RSF1: variants seen among roughly 807,000 people sequenced by gnomAD.
RSF1 encodes the protein HBV pX-associated protein 8.
Under a neutral mutation model 145.2 loss-of-function variants are expected in RSF1, and 13 were observed. That is an observed-to-expected ratio of 0.09 (90% CI 0.06 to 0.14). RSF1 has a LOEUF of 0.14. RSF1 is among the 10% of genes least tolerant of loss of function. The pLI is 1.00. For missense variants in RSF1, 1,517 were observed against 1,718.2 expected, an observed-to-expected ratio of 0.88 and a Z score of 2.07; for synonymous variants, 577 against 592.6, an observed-to-expected ratio of 0.97 and a Z score of 0.38.
At chr11:77,821,085 G>A (rs945396618), upstream of RSF1, 1 of 458,382 alleles carries the variant, frequency 2.2e-6, no homozygotes, top group African/African-American at 2.0e-5. Context: ...ATGGCCAATG[G>A]ACGCAGAGGG....
the RSF1 span, chr11:77,842,738 T>C: frequency 7.1e-7 from 1 of 1,410,070 alleles, no homozygotes; most frequent in Non-Finnish European, 9.7e-7. Context: ...CTTTTTGAGA[T>C]ATAATTCATA....
intron 4 of RSF1, among the ~76,000 whole-genome samples, chr11:77,732,423 A>T (rs1244747383): frequency 6.6e-6 from 1 of 152,100 alleles, no homozygotes; most frequent in Non-Finnish European, 1.5e-5. Context: ...ATGAGTCAAT[A>T]CTTTGGGGGA....
intron 4 of RSF1, among the ~76,000 whole-genome samples, chr11:77,730,682 T>C (rs1184804219): frequency 2.6e-5 from 4 of 151,954 alleles, no homozygotes; most frequent in African/African-American, 9.7e-5. Context: ...CAGTGGGAGG[T>C]GATTGAATTA....
the RSF1 span, among the ~76,000 whole-genome samples, chr11:77,845,356 T>C: frequency 4.6e-5 from 7 of 152,186 alleles, no homozygotes; most frequent in Non-Finnish European, 1.0e-4. Context: ...TTGATTCTTA[T>C]CTGCTGTTGA....
the RSF1 span, among the ~76,000 whole-genome samples, chr11:77,871,985 T>C: frequency 6.6e-6 from 1 of 152,240 alleles, no homozygotes; most frequent in Admixed American, 6.5e-5. Flanking sequence ...GGTATTATGA[T>C]ACCTCTGACA....
At chr11:77,740,201 C>A (rs1359381176) in intron 4 of RSF1, among the ~76,000 whole-genome samples, 4 of 151,970 alleles carry the variant, frequency 2.6e-5, no homozygotes, top group African/African-American at 9.7e-5. Flanking sequence ...CACGGAGAAA[C>A]CTCATCTCTA....
intron 2 of RSF1, among the ~76,000 whole-genome samples, chr11:77,749,705 C>T (rs1323070459): frequency 2.0e-5 from 3 of 152,152 alleles, no homozygotes; most frequent in African/African-American, 7.2e-5. Flanking sequence ...TTATTTATAA[C>T]ATTTAGGGTA....
At chr11:77,813,708 C>T in intron 1 of RSF1, 2 of 435,062 alleles carry the variant, frequency 4.6e-6, no homozygotes, top group South Asian at 3.9e-5. Flanking sequence ...CCGACTTGTT[C>T]CTCGGCGAGA....
chr11:77,694,255 C>T (rs2135843992), intron 7 of RSF1, among the ~76,000 whole-genome samples: 1 of 152,238 alleles, frequency 6.6e-6, no homozygotes, highest in South Asian at 2.1e-4. Flanking sequence ...TCAAAGACTA[C>T]CCTACCACAC....
chr11:77,815,748 A>T (rs11237303), intron 1 of RSF1, among the ~76,000 whole-genome samples: 37,778 of 151,836 alleles, frequency 0.25, 5,478 homozygotes, highest in South Asian at 0.49. Flanking sequence ...ATGTTTTTTT[A>T]AAAAAATAAT....
intron 1 of RSF1, among the ~76,000 whole-genome samples, chr11:77,811,892 G>C (rs946474079): frequency 6.6e-6 from 1 of 152,162 alleles, no homozygotes; most frequent in Non-Finnish European, 1.5e-5. Context: ...TAAATAAATA[G>C]GCTGAGCTTG....
chr11:77,845,076 A>G, the RSF1 span, among the ~76,000 whole-genome samples: 1 of 152,100 alleles, frequency 6.6e-6, no homozygotes, highest in Non-Finnish European at 1.5e-5. Flanking sequence ...CTAGGTATGG[A>G]TATCTTTGAG....
chr11:77,734,835 C>T, intron 4 of RSF1: 1 of 1,592,376 alleles, frequency 6.3e-7, no homozygotes, highest in South Asian at 1.1e-5. Flanking sequence ...CAGCATGCTC[C>T]CTCTCCTCAT....
the RSF1 span, among the ~76,000 whole-genome samples, chr11:77,837,142 T>G: frequency 2.0e-5 from 3 of 152,316 alleles, no homozygotes; most frequent in South Asian, 6.2e-4. Flanking sequence ...TTTGTTTGCT[T>G]GCTTGTTTTT....
In RSF1 at chr11:77,746,490, A is replaced by G. The variant is rs76417263; in HGVS notation, c.372+546T>C. Among the ~76,000 whole-genome samples, 669 of 152,326 alleles carry G rather than the reference A, an allele frequency of 4.4e-3. 3 individuals carry two copies. The highest frequency in any genetic ancestry group is 7.4e-3 in the Non-Finnish European group (504 of 68,018). On this transcript the variant is annotated intron_variant, in intron 3 of 15. Coordinates refer to ENST00000308488, the MANE Select transcript of RSF1 (RefSeq NM_016578.4). ...TTTTAGAAGTAGCAAAAACTTCATT[A>G]ATGTTTTCACAAAGAATATTTTTTC... is the stretch of plus-strand genomic sequence containing the variant.
intron 1 of RSF1, among the ~76,000 whole-genome samples, chr11:77,772,628 A>T (rs935389834): frequency 6.6e-6 from 1 of 152,150 alleles, no homozygotes; most frequent in Non-Finnish European, 1.5e-5. Context: ...TGAATTTGTC[A>T]TTCATAATTG....
In RSF1 at chr11:77,662,440, T is replaced by C. The variant is rs1205814913; in HGVS notation, c.*4477A>G. 1 of 152,156 alleles carries C rather than the reference T, an allele frequency of 6.6e-6. No homozygotes were observed. The highest frequency in any genetic ancestry group is 1.5e-5 in the Non-Finnish European group (1 of 68,006). 9.4% of individuals were successfully genotyped at this position (152,156 alleles called of 1,614,324 possible). A position where few individuals can be genotyped will look rare whatever the true frequency, so the allele number is the denominator to read the frequency against. On this transcript the variant is annotated 3_prime_UTR_variant, in exon 16 of 16. Transcript: ENST00000308488. ...GTGAGTGTATACTCTAAAGTGGTTA[T>C]ATACTAAGCTCATTACATTTTGGCT...
the RSF1 span, among the ~76,000 whole-genome samples, chr11:77,846,007 AT>A: frequency 6.4e-3 from 896 of 139,602 alleles, 11 homozygotes; most frequent in Admixed American, 0.025. Flanking sequence ...TATATTTCTC[AT>A]TTTTTTTTTT....
rs1214089198 is a variant in RSF1, at chr11:77,667,193, G to A, written c.4050C>T (p.Asp1350=). The change falls in exon 16 of 16, where the codon GAC becomes GAT. Residue 1350 remains aspartate, a synonymous_variant. Coordinates refer to ENST00000308488, the MANE Select transcript of RSF1 (RefSeq NM_016578.4). ...PYRIESDEEE[D]FENVGKVGSP... is the part of the protein sequence containing the mutation. ...TCCCCACTTTGCCTACATTTTCAAAGTCCTCTTCCTCATCACTTTCTATCC... is the reference window on the plus strand; with the variant it reads ...TCCCCACTTTGCCTACATTTTCAAAATCCTCTTCCTCATCACTTTCTATCC... The A allele has an allele frequency of 6.2e-7, 1 of 1,614,094 alleles. No individual in the cohort carries two copies. The highest frequency in any genetic ancestry group is 1.1e-5 in the South Asian group (1 of 91,090).
Sources: gnomAD v4.1 joint callset for allele counts (sites outside exome capture counted in the v4.1 genomes callset) on GRCh38, gnomAD v4.1.1 for gene constraint, MANE v1.5 for transcripts, NCBI Gene and HGNC (gene_info 2026-07-23, HGNC 2026-07-21) for gene names.